CSNK1G1: variants seen among roughly 807,000 people sequenced by gnomAD.
CSNK1G1 encodes casein kinase I isoform gamma-1.
CSNK1G1 carries 22 observed loss-of-function variants against 59.6 expected under a neutral mutation model. The ratio of observed to expected loss-of-function variants is 0.37; its 90% confidence interval spans 0.26 to 0.53. The LOEUF is 0.53. Ranked by LOEUF, CSNK1G1 falls within the 20% of genes least tolerant of loss-of-function variation. The pLI is 0.89. For missense variants in CSNK1G1, 384 were observed against 519.5 expected, an observed-to-expected ratio of 0.74 and a Z score of 2.54; for synonymous variants, 179 against 177.1, an observed-to-expected ratio of 1.01 and a Z score of -0.08.
At chr15:64,278,652 C>T (rs1893939148) in intron 2 of CSNK1G1, among the ~76,000 whole-genome samples, 1 of 152,062 alleles carries the variant, frequency 6.6e-6, no homozygotes, top group Non-Finnish European at 1.5e-5. Flanking sequence ...TGGTGTCGAA[C>T]TCCTGACCTC....
intron 1 of CSNK1G1, among the ~76,000 whole-genome samples, chr15:64,306,386 A>G (rs1281243156): frequency 1.3e-5 from 2 of 152,212 alleles, no homozygotes; most frequent in East Asian, 3.8e-4. Flanking sequence ...ATATATGAAA[A>G]TATACTCAAT....
chr15:64,278,432 A>C (rs12443216), intron 2 of CSNK1G1, among the ~76,000 whole-genome samples: 17 of 127,958 alleles, frequency 1.3e-4, no homozygotes, highest in African/African-American at 5.0e-4. Flanking sequence ...ATATATATAT[A>C]TTTTTTTTTT....
intron 4 of CSNK1G1, among the ~76,000 whole-genome samples, chr15:64,238,682 G>T (rs1456976060): frequency 6.6e-6 from 1 of 151,316 alleles, no homozygotes; most frequent in Non-Finnish European, 1.5e-5. Context: ...TACTGACTTG[G>T]GCTCCTGAAT....
intron 2 of CSNK1G1, among the ~76,000 whole-genome samples, chr15:64,290,543 C>T (rs1894682184): frequency 6.6e-6 from 1 of 151,930 alleles, no homozygotes; most frequent in South Asian, 2.1e-4. Flanking sequence ...TACACATGGA[C>T]ACAGAGTGTG....
At chr15:64,180,226 G>A (rs2081793816) in intron 11 of CSNK1G1, 122 bp downstream of exon 11, 1 of 715,382 alleles carries the variant, frequency 1.4e-6, no homozygotes, top group Admixed American at 2.4e-5. Flanking sequence ...AAACAGTTAA[G>A]GAAGAAAGCT....
chr15:64,261,710 C>T (rs577591541), intron 2 of CSNK1G1, among the ~76,000 whole-genome samples: 9 of 151,846 alleles, frequency 5.9e-5, no homozygotes, highest in South Asian at 2.1e-4. Flanking sequence ...TTGGGGAGGG[C>T]GAGGCAGGTG....
chr15:64,185,772 G>C (rs2081884345), intron 10 of CSNK1G1, among the ~76,000 whole-genome samples: 1 of 148,978 alleles, frequency 6.7e-6, no homozygotes, highest in Admixed American at 6.8e-5. Flanking sequence ...GCTGACAGGA[G>C]AATCGCTTGA....
Position 64,176,755 on chromosome 15 carries a change from A to C in CSNK1G1, c.1214+3593T>G, listed in dbSNP as rs1223444152. 1.3e-5 allele frequency among the ~76,000 whole-genome samples: 2 copies of C among 152,226 alleles called. No homozygotes were observed. Among genetic ancestry groups the C allele is most frequent in the African/African-American group, 4.8e-5 (2 of 41,462 alleles). On this transcript the variant is annotated intron_variant, in intron 11 of 11. Coordinates refer to ENST00000303052, the MANE Select transcript of CSNK1G1 (RefSeq NM_022048.5). The surrounding 1 kb of genome is among the most constrained non-coding windows in gnomAD (Gnocchi z 5.2). ...AAGTCCCTAGCCTTTGTGCAAGTCC[A>C]ACATGCCTGATCAAAGCAGCTAGCA... is the stretch of plus-strand genomic sequence containing the variant.
intron 1 of CSNK1G1, among the ~76,000 whole-genome samples, chr15:64,314,375 T>C (rs939498730): frequency 6.6e-6 from 1 of 152,018 alleles, no homozygotes; most frequent in Non-Finnish European, 1.5e-5. Context: ...CAATTTATAA[T>C]TATATAAATG....
At chr15:64,303,520 G>A (rs1359144182) in intron 1 of CSNK1G1, among the ~76,000 whole-genome samples, 1 of 151,948 alleles carries the variant, frequency 6.6e-6, no homozygotes, top group Non-Finnish European at 1.5e-5. Context: ...GGGAGGCCAA[G>A]GCGGGTGGAT....
At chr15:64,338,124 G>A (rs1897486018) in intron 1 of CSNK1G1, among the ~76,000 whole-genome samples, 1 of 152,122 alleles carries the variant, frequency 6.6e-6, no homozygotes, top group Admixed American at 6.5e-5. Context: ...GCCTAAGAGA[G>A]GACTGCTGGG....
chr15:64,292,022 C>T (rs1254810689), intron 2 of CSNK1G1, among the ~76,000 whole-genome samples: 1 of 151,904 alleles, frequency 6.6e-6, no homozygotes, highest in African/African-American at 2.4e-5. Flanking sequence ...CATGGTGAAA[C>T]CTCGTCTCTA....
intron 1 of CSNK1G1, among the ~76,000 whole-genome samples, chr15:64,348,153 G>T (rs1287224248): frequency 6.6e-6 from 1 of 152,162 alleles, no homozygotes; most frequent in African/African-American, 2.4e-5. Context: ...GTCAGTGTCT[G>T]CCAGTAATTC....
At chr15:64,211,084 A>G (rs1443313832) in intron 6 of CSNK1G1, among the ~76,000 whole-genome samples, 2 of 152,202 alleles carry the variant, frequency 1.3e-5, no homozygotes, top group Non-Finnish European at 2.9e-5. Flanking sequence ...CCAAATTTAA[A>G]GGTCTTTTCT....
In CSNK1G1 at chr15:64,285,905, C is replaced by T. The variant is rs567614420; in HGVS notation, c.181+14414G>A. On this transcript the variant is annotated intron_variant, in intron 2 of 11. Transcript: ENST00000303052. ...CTTGTAATTCCTCCTTTTTTCATGG[C>T]CTACACAATAAAGTCCAAAATCTCT... is the stretch of plus-strand genomic sequence containing the variant. 2.0e-5 allele frequency among the ~76,000 whole-genome samples: 3 copies of T among 151,512 alleles called. No homozygotes were observed. In the South Asian group the frequency reaches 6.2e-4, roughly 31 times the overall value.
At chr15:64,301,329 A>G (rs1251216577) in intron 1 of CSNK1G1, among the ~76,000 whole-genome samples, 2 of 151,126 alleles carry the variant, frequency 1.3e-5, no homozygotes, top group Non-Finnish European at 2.9e-5. Flanking sequence ...CAGAGTGCCA[A>G]AAAGAGATCC....
At chr15:64,208,200 AG>A in intron 6 of CSNK1G1, among the ~76,000 whole-genome samples, 1 of 152,220 alleles carries the variant, frequency 6.6e-6, no homozygotes, top group Non-Finnish European at 1.5e-5. Flanking sequence ...TTTATTACTA[AG>A]GTCTCCTCAA....
At chr15:64,219,597 C>T (rs1157575272) in intron 4 of CSNK1G1, among the ~76,000 whole-genome samples, 1 of 151,152 alleles carries the variant, frequency 6.6e-6, no homozygotes, top group Non-Finnish European at 1.5e-5. Context: ...CAGCTGGGAG[C>T]ACAGGCACAT....
chr15:64,201,851 A>G (rs953283823), intron 10 of CSNK1G1, among the ~76,000 whole-genome samples: 1 of 152,174 alleles, frequency 6.6e-6, no homozygotes, highest in Non-Finnish European at 1.5e-5. Context: ...AAGTGAAATC[A>G]TAAGGAGAGG....
Sources: gnomAD v4.1 joint callset for allele counts (sites outside exome capture counted in the v4.1 genomes callset) on GRCh38, gnomAD v4.1.1 for gene constraint, Gnocchi (gnomAD v3.1) non-coding constraint, MANE v1.5 for transcripts, NCBI Gene and HGNC (gene_info 2026-07-23, HGNC 2026-07-21) for gene names.